The following PIEZO2 variants were observed in gnomAD, a reference collection of about 807,000 sequenced individuals.
The protein encoded by PIEZO2 is piezo-type mechanosensitive ion channel component 2.
PIEZO2 carries 172 observed loss-of-function variants against 337.3 expected under a neutral mutation model. That is an observed-to-expected ratio of 0.51 (90% CI 0.45 to 0.58). PIEZO2 has a LOEUF of 0.58. Ranked by LOEUF, PIEZO2 falls within the 20% of genes least tolerant of loss-of-function variation. The pLI, the probability that PIEZO2 is intolerant of heterozygous loss-of-function variation, is 0.00. For synonymous variants in PIEZO2, 1,251 were observed against 1,228.5 expected, an observed-to-expected ratio of 1.02 and a Z score of -0.38; for missense variants, 3,028 against 3,391.3, an observed-to-expected ratio of 0.89 and a Z score of 2.66.
intron 5 of PIEZO2, among the ~76,000 whole-genome samples, chr18:10,858,194 G>A (rs948713318): frequency 1.3e-5 from 2 of 151,186 alleles, no homozygotes; most frequent in Non-Finnish European, 3.0e-5. Flanking sequence ...GGTGGCACGT[G>A]CCTGTAGTCC....
rs932337910 is a variant in PIEZO2, at chr18:10,851,523, C to A, written c.917+3830G>T. Among the ~76,000 whole-genome samples, 14 of 152,042 alleles carry A rather than the reference C, an allele frequency of 9.2e-5. 1 individual carries two copies. The highest frequency in any genetic ancestry group is 9.2e-4 in the Admixed American group (14 of 15,266). On this transcript the variant is annotated intron_variant, in intron 7 of 55. Transcript: ENST00000674853. The stretch of plus-strand genomic sequence containing the variant: ...CTTTTATGACAATTCAAATGAAGAG[C>A]AAATATGATGTTATTACACTATTAG...
At chr18:10,984,745 G>C (rs1351996847) in intron 2 of PIEZO2, among the ~76,000 whole-genome samples, 1 of 152,034 alleles carries the variant, frequency 6.6e-6, no homozygotes, top group Non-Finnish European at 1.5e-5. Flanking sequence ...GAAGCCCAAA[G>C]GATTCTAAAG....
At chr18:10,675,385 T>G (rs1272176030) in intron 53 of PIEZO2, 97 bp from the exon 54 acceptor site, 1 of 682,244 alleles carries the variant, frequency 1.5e-6, no homozygotes, top group Non-Finnish European at 2.4e-6. Context: ...TATCACCAAA[T>G]AATAGTGAAA....
Position 10,871,334 on chromosome 18 carries a change from C to G in PIEZO2, c.411G>C (p.Trp137Cys), listed in dbSNP as rs1456921759. Residue 137 changes from tryptophan (W) to cysteine (C), a missense_variant, in exon 5 of 56, where the codon TGG (tryptophan) becomes TGC (cysteine). This residue lies in a region of PIEZO2 where 542 missense variants were observed against 605.6 expected (regional missense o/e 0.89). Coordinates refer to ENST00000674853, the MANE Select transcript of PIEZO2 (RefSeq NM_001378183.1). ...TCTGAACAATGTTTCTACAGAGGAG[C>G]CAGATGGTCAGACTAGCAATGAACA... ...IGMFIASLTI[W>C]LLCRNIVQKP... The G allele has an allele frequency of 6.5e-7, 1 of 1,537,190 alleles. No homozygotes were observed. The highest frequency in any genetic ancestry group is 2.4e-5 in the East Asian group (1 of 40,922).
intron 33 of PIEZO2, 67 bp downstream of exon 33, chr18:10,740,964 C>T (rs1338800211): frequency 1.4e-6 from 2 of 1,460,952 alleles, no homozygotes; most frequent in Non-Finnish European, 1.9e-6. Context: ...CACGGGAACG[C>T]CTGAATTCTG....
chr18:10,932,932 GT>G (rs751410207), intron 3 of PIEZO2, among the ~76,000 whole-genome samples: 1 of 150,450 alleles, frequency 6.6e-6, no homozygotes, highest in African/African-American at 2.5e-5. Flanking sequence ...TCTAAAAAAG[GT>G]AAAAAAAAAA....
rs560694509 is a variant in PIEZO2 at position 10,702,175 on chromosome 18, C to T, written c.6259-4G>A. On this transcript the variant is annotated splice_polypyrimidine_tract_variant and splice_region_variant and intron_variant, in intron 42 of 55. Coordinates refer to ENST00000674853, the MANE Select transcript of PIEZO2 (RefSeq NM_001378183.1). ...AATACTTGACTACAATTGCCACCTA[C>T]GCACAGATGACAGAAATTTTAAAAC... 109 of 1,532,744 alleles carry T rather than the reference C, an allele frequency of 7.1e-5. No homozygotes were observed. The highest frequency in any genetic ancestry group is 2.9e-4 in the East Asian group (12 of 40,802). The allele number at this position is 1,532,744 out of a possible 1,614,324, so 94.9% of individuals were successfully genotyped here.
intron 2 of PIEZO2, among the ~76,000 whole-genome samples, chr18:11,015,923 A>G (rs2145686480): frequency 6.6e-6 from 1 of 152,342 alleles, no homozygotes; most frequent in Admixed American, 6.5e-5. Flanking sequence ...AAAACTTTCT[A>G]AACGTTTTTG....
rs2043001563 is a variant in PIEZO2 at position 10,899,923 on chromosome 18, T to C, written c.329+11263A>G. 1.3e-5 allele frequency among the ~76,000 whole-genome samples: 2 copies of C among 152,202 alleles called. No individual in the cohort carries two copies. The highest frequency in any genetic ancestry group is 2.9e-5 in the Non-Finnish European group (2 of 68,036). On this transcript the variant is annotated intron_variant, in intron 4 of 55. Transcript: ENST00000674853. The surrounding 1 kb of genome is among the most constrained non-coding windows in gnomAD (Gnocchi z 4.6). ...TCATTAACTCGAAGACTGTTTATATTAGTCATAATGATCCAATTTAGGAAG... is the reference window on the plus strand; with the variant it reads ...TCATTAACTCGAAGACTGTTTATATCAGTCATAATGATCCAATTTAGGAAG...
chr18:11,122,813 C>T lies in PIEZO2; in HGVS notation c.64+25712G>A, dbSNP rs571719488. The stretch of plus-strand genomic sequence containing the variant: ...TGACAGTTTAATTTTATAAAATCCG[C>T]AGACATCAGAGTTTCAAAGCAAACA... On this transcript the variant is annotated intron_variant, in intron 1 of 55. Transcript: ENST00000674853. Among the ~76,000 whole-genome samples the T allele has an allele frequency of 2.4e-3, 364 of 152,078 alleles. 2 individuals are homozygous for T. Among genetic ancestry groups the T allele is most frequent in the African/African-American group, 8.2e-3 (339 of 41,490 alleles).
rs2035163703 is a variant in PIEZO2 at position 10,697,857 on chromosome 18, T to C, written c.6718A>G (p.Ser2240Gly). Reference sequence around the variant, plus strand: ...CTCAAAACACTGCTTCCTTTTTGACTGCTGTTTCGGGTGCTTGTGCTGCCT... The same window carrying C: ...CTCAAAACACTGCTTCCTTTTTGACCGCTGTTTCGGGTGCTTGTGCTGCCT... ...QRGSTSTRNS[S>G]QKGSSVLSIK... Residue 2240 changes from serine (S) to glycine (G), a missense_variant, in exon 45 of 56, where the codon AGT becomes GGT. Physicochemically the swap from Ser to Gly is moderately conservative, Grantham distance 56. Around this residue, in one of 5 missense-constraint regions of PIEZO2, gnomAD observed 1,925 missense variants for 2,051.9 expected, o/e 0.94. Coordinates refer to ENST00000674853, the MANE Select transcript of PIEZO2 (RefSeq NM_001378183.1). 3.7e-6 allele frequency: 6 copies of C among 1,613,728 alleles called. No homozygotes were observed. Among genetic ancestry groups the C allele is most frequent in the Non-Finnish European group, 5.1e-6 (6 of 1,179,814 alleles).
At chr18:11,050,096 T>A (rs1182807104) in intron 2 of PIEZO2, among the ~76,000 whole-genome samples, 1 of 152,134 alleles carries the variant, frequency 6.6e-6, no homozygotes, top group Non-Finnish European at 1.5e-5. Flanking sequence ...ATGACATCTG[T>A]ACCATCTCAA....
chr18:10,748,562 C>T lies in PIEZO2; in HGVS notation c.4333G>A (p.Ala1445Thr). Residue 1445 changes from alanine (A) to threonine (T), a missense_variant, in exon 30 of 56, where the codon GCC becomes ACC. Around this residue, in one of 5 missense-constraint regions of PIEZO2, gnomAD observed 1,925 missense variants for 2,051.9 expected, o/e 0.94. Coordinates refer to ENST00000674853, the MANE Select transcript of PIEZO2 (RefSeq NM_001378183.1). The surrounding 1 kb of genome is among the most constrained non-coding windows in gnomAD (Gnocchi z 5.1). Reference protein sequence around the residue: ...AGIIWDSICFAFLLLQRRVFM... With the variant: ...AGIIWDSICFTFLLLQRRVFM... The stretch of plus-strand genomic sequence containing the variant: ...ACTCTTCTTTGCAGCAGGAGGAAGG[C>T]AAAACATATGCTGTCCCAAATGATT... The T allele has an allele frequency of 3.9e-6, 6 of 1,535,772 alleles. No individual in the cohort carries two copies. In the South Asian group the frequency reaches 6.0e-5, roughly 15 times the overall value.
intron 39 of PIEZO2, among the ~76,000 whole-genome samples, chr18:10,712,729 G>T (rs532987397): frequency 2.0e-5 from 3 of 152,276 alleles, no homozygotes; most frequent in Non-Finnish European, 4.4e-5. Context: ...TAATAATTGA[G>T]AAATGTGCAT....
At chr18:10,880,114 A>C (rs914800516) in intron 4 of PIEZO2, among the ~76,000 whole-genome samples, 1 of 152,158 alleles carries the variant, frequency 6.6e-6, no homozygotes, top group African/African-American at 2.4e-5. Context: ...AATACTTCAG[A>C]CTGTTTTTAA....
chr18:10,747,961 C>T (rs1480636691), intron 30 of PIEZO2, among the ~76,000 whole-genome samples: 1 of 152,020 alleles, frequency 6.6e-6, no homozygotes, highest in African/African-American at 2.4e-5. Flanking sequence ...CACCTCAGGG[C>T]ACTTCACTTT....
intron 1 of PIEZO2, among the ~76,000 whole-genome samples, chr18:11,074,768 TA>T (rs1468842000): frequency 1.3e-5 from 2 of 152,236 alleles, no homozygotes; most frequent in Non-Finnish European, 2.9e-5. Flanking sequence ...ATAACATTTG[TA>T]AAAATACTTG....
chr18:10,778,535 T>TGTTA (rs892136673), intron 18 of PIEZO2, among the ~76,000 whole-genome samples: 2 of 152,080 alleles, frequency 1.3e-5, no homozygotes, highest in Admixed American at 1.3e-4. Flanking sequence ...GGTTTCACCG[T>TGTTA]GTTAGCCAGG....
chr18:11,075,516 C>A (rs1212149988), intron 1 of PIEZO2, among the ~76,000 whole-genome samples: 1 of 152,228 alleles, frequency 6.6e-6, no homozygotes, highest in African/African-American at 2.4e-5. Flanking sequence ...TTTAGAGCAG[C>A]AGACAGTTGA....
Sources: allele counts gnomAD v4.1 joint callset (sites outside exome capture counted in the v4.1 genomes callset), GRCh38; gene constraint gnomAD v4.1.1; regional missense constraint gnomAD v4.1.1; non-coding constraint Gnocchi (gnomAD v3.1); transcripts MANE v1.5; gene names NCBI Gene and HGNC (gene_info 2026-07-23, HGNC 2026-07-21).